Variants in TEP1 observed in about 807,000 individuals in gnomAD.
The protein encoded by TEP1 is telomerase associated protein 1.
TEP1 carries 241 observed loss-of-function variants against 306.3 expected under a neutral mutation model. The observed-to-expected ratio is 0.79, with a 90% CI of 0.71 to 0.88. The LOEUF (loss-of-function observed/expected upper bound fraction) is 0.88, where lower values mean the gene tolerates loss of function less well. TEP1 is among the 40% of genes least tolerant of loss of function. The probability of loss-of-function intolerance (pLI) is 0.00; values close to 1 mark genes in which losing one functional copy is unlikely to be tolerated. For synonymous variants in TEP1, 1,289 were observed against 1,305.5 expected (o/e 0.99, Z 0.27); for missense variants, 3,051 against 3,276.1 (o/e 0.93, Z 1.68).
chr14:20,403,572 G>T, intron 6 of TEP1, 124 bp from the exon 7 acceptor site: 1 of 1,588,280 alleles, frequency 6.3e-7, no homozygotes, highest in Non-Finnish European at 8.5e-7. Context: ...AGACTGCCCT[G>T]CACCATATGC....
At position 20,382,664 on chromosome 14, in the gene TEP1, A is replaced by C. The variant is rs766351451; in HGVS notation, c.4099T>G (p.Leu1367Val). The C allele has an allele frequency of 8.7e-6, 14 of 1,613,954 alleles. No homozygotes were observed. Among genetic ancestry groups the C allele is most frequent in the Non-Finnish European group, 1.2e-5 (14 of 1,179,996 alleles). ...RESGRPLYLR[L>V]VTDHLRLFTL... ...AAGAGCCTCAGGTGATCGGTGACCA[A>C]GCGCAGGTAGAGCGGCCGGCCTGAT... The change falls in exon 28 of 55, where the codon TTG (leucine) becomes GTG (valine). Residue 1367 changes from leucine to valine, a missense_variant. By Grantham distance (32) the Leu-to-Val change is conservative (BLOSUM62 1). Transcript: ENST00000262715.
At position 20,372,772 on chromosome 14, in the gene TEP1, T is replaced by C. The variant is rs201856732; in HGVS notation, c.7037A>G (p.Gln2346Arg). 4.0e-4 allele frequency: 647 copies of C among 1,614,122 alleles called. 5 individuals carry two copies. The highest frequency in any genetic ancestry group is 3.0e-3 in the Middle Eastern group (18 of 6,062). ...LSADEKISEW[Q>R]VKLRKGSAPG... is the part of the protein sequence containing the mutation. ...TGCCGAACCCTTCCGCAGTTTCACT[T>C]GCCACTCGCTGATTTTCTCATCAGC... Residue 2346 changes from glutamine (Q) to arginine (R), a missense_variant, in exon 49 of 55, where the codon CAA (glutamine) becomes CGA (arginine). By Grantham distance (43) the Gln-to-Arg change is conservative. Around this residue, in one of 3 missense-constraint regions of TEP1, gnomAD observed 1,540 missense variants for 1,705.9 expected, o/e 0.90. Transcript: ENST00000262715.
chr14:20,401,420 C>A (rs1878732014), intron 8 of TEP1, 37 bp downstream of exon 8: 1 of 1,610,746 alleles, frequency 6.2e-7, no homozygotes, highest in African/African-American at 1.3e-5. Flanking sequence ...TAAGGAATTA[C>A]TTAGATGGAA....
rs771553761 is a variant in TEP1, at chr14:20,380,054, C to G, written c.5004-1G>C. ...GGAAACTGCCAGAGACAGGCTGGAG[C>G]TAGAGAAAGAGTAGGAAGAAAGGGA... On this transcript the variant is annotated splice_acceptor_variant, in intron 34 of 54. Transcript: ENST00000262715. LOFTEE classifies it high-confidence loss of function. 1.1e-5 allele frequency: 18 copies of G among 1,608,488 alleles called. No homozygotes were observed. The highest frequency in any genetic ancestry group is 1.4e-5 in the Non-Finnish European group (17 of 1,178,546).
At chr14:20,403,259 T>A in intron 7 of TEP1, 118 bp downstream of exon 7, 11 of 1,243,508 alleles carry the variant, frequency 8.8e-6, no homozygotes, top group East Asian at 2.8e-5. Context: ...TTACCCACAA[T>A]CACAGCCAAG....
At position 20,378,179 on chromosome 14, in the gene TEP1, C is replaced by T. The variant is rs1263065543; in HGVS notation, c.5566G>A (p.Val1856Ile). ...RTLAFNVPGG[V>I]VAVGRLDSMV... ...CTGTCCAGCCGGCCCACAGCCACAA[C>T]CCCCCCAGGCACATTGAAGGCCAAG... The change falls in exon 39 of 55, where the codon GTT becomes ATT. Residue 1856 changes from valine to isoleucine, a missense_variant. Physicochemically the swap from Val to Ile is conservative, Grantham distance 29. Coordinates refer to ENST00000262715, the MANE Select transcript of TEP1 (RefSeq NM_007110.5). The T allele has an allele frequency of 1.2e-6, 2 of 1,613,186 alleles. No homozygotes were observed. The highest frequency in any genetic ancestry group is 1.7e-6 in the Non-Finnish European group (2 of 1,179,988).
Position 20,408,161 on chromosome 14 carries a change from T to C in TEP1, c.279A>G (p.Lys93=). 1 of 1,611,954 alleles carries C rather than the reference T, an allele frequency of 6.2e-7. No homozygotes were observed. Among genetic ancestry groups the C allele is most frequent in the African/African-American group, 1.3e-5 (1 of 74,652 alleles). Residue 93 remains lysine, a synonymous_variant, in exon 2 of 55, where the codon AAA becomes AAG. Coordinates refer to ENST00000262715, the MANE Select transcript of TEP1 (RefSeq NM_007110.5). ...GGTGGGCAGAAACATGTCCATGTGG[T>C]TTCTCCATGGTCTTCAGGTCAGAAA... is the stretch of plus-strand genomic sequence containing the variant. The part of the protein sequence containing the change: ...ATLSDLKTME[K]PHGHVSAHPD...
intron 17 of TEP1, 45 bp from the exon 18 acceptor site, chr14:20,388,108 G>T: frequency 6.2e-7 from 1 of 1,604,636 alleles, no homozygotes; most frequent in South Asian, 1.1e-5. Context: ...ACCACAGGTC[G>T]AAATCAGTGA....
chr14:20,384,702 T>C lies in TEP1; in HGVS notation c.3119A>G (p.Asp1040Gly). 1 of 1,611,260 alleles carries C rather than the reference T, an allele frequency of 6.2e-7. No individual in the cohort carries two copies. Among genetic ancestry groups the C allele is most frequent in the South Asian group, 1.1e-5 (1 of 91,074 alleles). Residue 1040 changes from aspartate to glycine, a missense_variant, in exon 22 of 55, where the codon GAT becomes GGT. This residue lies in a region of TEP1 where 1,507 missense variants were observed against 1,550.5 expected (regional missense o/e 0.97). Transcript: ENST00000262715. ...RDSSFLSSVP[D>G]AWKSDFVSES... Reference sequence around the variant, plus strand: ...AGAAACAAAGTCAGATTTCCAGGCATCTGGCACAGAGCTGACCACCAAAGA... The same window carrying C: ...AGAAACAAAGTCAGATTTCCAGGCACCTGGCACAGAGCTGACCACCAAAGA...
Position 20,374,409 on chromosome 14 carries a change from G to T in TEP1, c.6471+20C>A. Reference sequence around the variant, plus strand: ...AGCCCTTCCAGAGACCCCCCAGTGGGATCTCCATTGCTTTCTCACCACAGC... The same window carrying T: ...AGCCCTTCCAGAGACCCCCCAGTGGTATCTCCATTGCTTTCTCACCACAGC... On this transcript the variant is annotated intron_variant, in intron 44 of 54. Transcript: ENST00000262715. 1 of 1,592,938 alleles carries T rather than the reference G, an allele frequency of 6.3e-7. No individual in the cohort carries two copies. The highest frequency in any genetic ancestry group is 8.6e-7 in the Non-Finnish European group (1 of 1,164,786).
At chr14:20,409,893 G>A (rs1879502543) in intron 1 of TEP1, among the ~76,000 whole-genome samples, 1 of 151,578 alleles carries the variant, frequency 6.6e-6, no homozygotes, top group African/African-American at 2.4e-5. Flanking sequence ...AGGGTGGCGG[G>A]CACCTGTAGT....
Position 20,405,574 on chromosome 14 carries a change from C to T in TEP1, c.747G>A (p.Leu249=). The T allele has an allele frequency of 6.2e-7, 1 of 1,613,662 alleles. No homozygotes were observed. Among genetic ancestry groups the T allele is most frequent in the Non-Finnish European group, 8.5e-7 (1 of 1,179,812 alleles). The change falls in exon 4 of 55, where the codon CTG becomes CTA. Residue 249 remains leucine (L), a synonymous_variant. Transcript: ENST00000262715. ...HVLQEKKMAL[L]SLLCSTLVSE... is the part of the protein sequence containing the mutation. ...AGACCAGAGTAGAGCACAGCAAGCT[C>T]AGTAGAGCCATCTGGGAATTGAGAA... is the stretch of plus-strand genomic sequence containing the variant.
chr14:20,377,778 G>C (rs1273566771), intron 39 of TEP1, 25 bp from the exon 40 acceptor site: 1 of 1,611,014 alleles, frequency 6.2e-7, no homozygotes, highest in Non-Finnish European at 8.5e-7. Context: ...AAGGGCTTAA[G>C]GATACCACCT....
chr14:20,391,010 A>G lies in TEP1; in HGVS notation c.2184T>C (p.Thr728=). ...CTGCCTTAAGCACTGCAGTCTTCAG[A>G]GTGTCACCTCCACACAGCACGACGT... ...QVDVVLCGGD[T]LKTAVLKAEE... is the part of the protein sequence containing the mutation. The change falls in exon 14 of 55, where the codon ACT becomes ACC. Residue 728 remains threonine, a synonymous_variant. Coordinates refer to ENST00000262715, the MANE Select transcript of TEP1 (RefSeq NM_007110.5). 1 of 1,614,114 alleles carries G rather than the reference A, an allele frequency of 6.2e-7. No homozygotes were observed. Among genetic ancestry groups the G allele is most frequent in the Non-Finnish European group, 8.5e-7 (1 of 1,180,020 alleles).
rs111974142 is a variant in TEP1 at position 20,384,409 on chromosome 14, G to A, written c.3321C>T (p.Ile1107=). 3.5e-4 allele frequency: 572 copies of A among 1,614,064 alleles called. 5 individuals are homozygous for A. In the African/African-American group the frequency reaches 3.9e-3, roughly 11 times the overall value. The change falls in exon 23 of 55, where the codon ATC becomes ATT. Residue 1107 remains isoleucine, a synonymous_variant. Coordinates refer to ENST00000262715, the MANE Select transcript of TEP1 (RefSeq NM_007110.5). The stretch of plus-strand genomic sequence containing the variant: ...TGCTGACCTGCAGGTAGAGCTTCTG[G>A]ATCATATTCCATACATCCTGCAGAA... ...QLVLQDVWNM[I]QKLYLQPGAL... is the part of the protein sequence containing the mutation.
In TEP1 at chr14:20,386,672, C is replaced by A. The variant is rs1023532558; in HGVS notation, c.2685-49G>T. On this transcript the variant is annotated intron_variant, in intron 18 of 54. Transcript: ENST00000262715. ...CTCAGTCTAGGGATGATTCCCACCC[C>A]CCATCCATAGACACTGCTGTGATCA... 4.0e-6 allele frequency: 6 copies of A among 1,508,244 alleles called. No homozygotes were observed. The South Asian group carries it at 5.2e-5, about 13-fold the overall frequency. 93.4% of individuals were successfully genotyped at this position (1,508,244 alleles called of 1,614,324 possible).
At position 20,389,700 on chromosome 14, in the gene TEP1, C is replaced by A; in HGVS notation, c.2375G>T (p.Gly792Val). The A allele has an allele frequency of 6.2e-7, 1 of 1,614,230 alleles. No homozygotes were observed. Among genetic ancestry groups the A allele is most frequent in the Non-Finnish European group, 8.5e-7 (1 of 1,180,040 alleles). The change falls in exon 16 of 55, where the codon GGA becomes GTA. Residue 792 changes from glycine to valine, a missense_variant. Around this residue, in one of 3 missense-constraint regions of TEP1, gnomAD observed 1,507 missense variants for 1,550.5 expected, o/e 0.97. Coordinates refer to ENST00000262715, the MANE Select transcript of TEP1 (RefSeq NM_007110.5). ...AAGCTGTTTGGCCACATTTATCATTCCATCATCCATGCTTTGGCCAAGGAG... is the reference window on the plus strand; with the variant it reads ...AAGCTGTTTGGCCACATTTATCATTACATCATCCATGCTTTGGCCAAGGAG... ...VILLGQSMDD[G>V]MINVAKQLYW...
chr14:20,403,360 C>A lies in TEP1; in HGVS notation c.1266+17G>T, dbSNP rs756119556. ...GATTGTACATGCACATATACAACCC[C>A]AGAAGAAGGGACTCACCTTTCTCTG... On this transcript the variant is annotated intron_variant, in intron 7 of 54. Transcript: ENST00000262715. 1 of 1,613,780 alleles carries A rather than the reference C, an allele frequency of 6.2e-7. No individual in the cohort carries two copies. The highest frequency in any genetic ancestry group is 1.1e-5 in the South Asian group (1 of 91,004).
At position 20,384,501 on chromosome 14, in the gene TEP1, A is replaced by G; in HGVS notation, c.3229T>C (p.Cys1077Arg). The G allele has an allele frequency of 1.9e-6, 3 of 1,613,920 alleles. No homozygotes were observed. The highest frequency in any genetic ancestry group is 2.5e-6 in the Non-Finnish European group (3 of 1,179,982). ...CCAGCTGCCACACCCCCCCACTCAC[A>G]GGGGTATCTGTGGGCAAATCAAGCA... Reference protein sequence around the residue: ...QKGITCRRYPCEWGGVAAGRP... With the variant: ...QKGITCRRYPREWGGVAAGRP... The change falls in exon 23 of 55, where the codon TGT (cysteine) becomes CGT (arginine). Residue 1077 changes from cysteine to arginine, a missense_variant. Coordinates refer to ENST00000262715, the MANE Select transcript of TEP1 (RefSeq NM_007110.5).
Sources: allele counts gnomAD v4.1 joint callset (sites outside exome capture counted in the v4.1 genomes callset), GRCh38; gene constraint gnomAD v4.1.1; regional missense constraint gnomAD v4.1.1; transcripts MANE v1.5; gene names NCBI Gene and HGNC (gene_info 2026-07-23, HGNC 2026-07-21).